GALNTL6: variants seen among roughly 807,000 people sequenced by gnomAD.
GALNTL6 encodes the protein polypeptide N-acetylgalactosaminyltransferase like 6, also known as polypeptide N-acetylgalactosaminyltransferase-like 6.
A neutral mutation model predicts 73.7 loss-of-function variants in GALNTL6; 46 were observed. That is an observed-to-expected ratio of 0.62 (90% CI 0.49 to 0.80). GALNTL6 has a LOEUF of 0.80. Ranked by LOEUF, GALNTL6 falls within the 30% of genes least tolerant of loss-of-function variation. The probability of loss-of-function intolerance (pLI) is 0.00; values close to 1 mark genes in which losing one functional copy is unlikely to be tolerated. For synonymous variants in GALNTL6, 259 were observed against 263.7 expected, an observed-to-expected ratio of 0.98 and a Z score of 0.17; for missense variants, 604 against 755.0, an observed-to-expected ratio of 0.80 and a Z score of 2.34.
chr4:171,855,593 T>A (rs1735666416), intron 2 of GALNTL6, among the ~76,000 whole-genome samples: 1 of 152,224 alleles, frequency 6.6e-6, no homozygotes, highest in South Asian at 2.1e-4. Flanking sequence ...TGCACAGATT[T>A]TTGTATATAT....
At chr4:172,710,576 T>C (rs1312818982) in intron 5 of GALNTL6, among the ~76,000 whole-genome samples, 2 of 150,980 alleles carry the variant, frequency 1.3e-5, no homozygotes, top group Non-Finnish European at 3.0e-5. Context: ...GTTAAAATTA[T>C]CCAACTATGT....
At chr4:172,669,947 T>C (rs1014471554) in intron 5 of GALNTL6, among the ~76,000 whole-genome samples, 6 of 152,180 alleles carry the variant, frequency 3.9e-5, no homozygotes, top group Admixed American at 3.3e-4. Flanking sequence ...GTATTAGTTT[T>C]CTTCTAAGGA....
chr4:172,042,401 G>T (rs1169899769), intron 2 of GALNTL6, among the ~76,000 whole-genome samples: 1 of 151,946 alleles, frequency 6.6e-6, no homozygotes, highest in Non-Finnish European at 1.5e-5. Flanking sequence ...TCCATAACTT[G>T]TATTTCCAGC....
intron 9 of GALNTL6, 122 bp downstream of exon 9, chr4:172,931,390 C>G: frequency 1.5e-6 from 1 of 679,822 alleles, no homozygotes. Context: ...TCCTGTGCTT[C>G]TCAGAGTCTT....
At position 171,869,405 on chromosome 4, in the gene GALNTL6, C is replaced by T. The variant is rs1397501606; in HGVS notation, c.138+54687C>T. Among the ~76,000 whole-genome samples the T allele has an allele frequency of 5.9e-5, 9 of 152,082 alleles. No homozygotes were observed. In the South Asian group the frequency reaches 1.7e-3, roughly 28 times the overall value. ...TCTAAGGTGAATTGGACTTCTTTTG[C>T]AGCTTTTTTGTCTGCCTCTTCCTCT... is the stretch of plus-strand genomic sequence containing the variant. On this transcript the variant is annotated intron_variant, in intron 2 of 12. Transcript: ENST00000506823.
intron 2 of GALNTL6, among the ~76,000 whole-genome samples, chr4:172,078,881 T>C (rs1731792219): frequency 6.6e-6 from 1 of 152,188 alleles, no homozygotes; most frequent in Admixed American, 6.5e-5. Flanking sequence ...ATAAAACAAA[T>C]GAGGTTTTAT....
At chr4:172,272,658 A>G (rs1171267420) in intron 3 of GALNTL6, among the ~76,000 whole-genome samples, 1 of 152,162 alleles carries the variant, frequency 6.6e-6, no homozygotes, top group Non-Finnish European at 1.5e-5. Flanking sequence ...TCCTTTCTTG[A>G]TACTGTCTCA....
chr4:173,003,927 C>G (rs151118526), intron 10 of GALNTL6, among the ~76,000 whole-genome samples: 48 of 152,170 alleles, frequency 3.2e-4, no homozygotes, highest in African/African-American at 1.1e-3. Flanking sequence ...AGTAATGTCT[C>G]CCTGATATAT....
At chr4:172,657,360 C>A (rs1731087388) in intron 5 of GALNTL6, among the ~76,000 whole-genome samples, 1 of 152,042 alleles carries the variant, frequency 6.6e-6, no homozygotes, top group Admixed American at 6.6e-5. Context: ...AGCAGTTACG[C>A]AATACAGAAG....
chr4:172,699,759 A>G (rs1733917094), intron 5 of GALNTL6, among the ~76,000 whole-genome samples: 1 of 152,212 alleles, frequency 6.6e-6, no homozygotes, highest in South Asian at 2.1e-4. Context: ...TTATGTTCCA[A>G]TAAATAAGTT....
chr4:172,539,777 T>C (rs947807624), intron 5 of GALNTL6, among the ~76,000 whole-genome samples: 41 of 151,186 alleles, frequency 2.7e-4, no homozygotes, highest in African/African-American at 9.4e-4. Flanking sequence ...TGCCATAATA[T>C]TGATAATGAA....
Position 172,929,042 on chromosome 4 carries a change from A to G in GALNTL6, c.1042-2119A>G, listed in dbSNP as rs143408917. Among the ~76,000 whole-genome samples, 536 of 152,302 alleles carry G rather than the reference A, an allele frequency of 3.5e-3. 4 individuals are homozygous for G. Among genetic ancestry groups the G allele is most frequent in the African/African-American group, 0.012 (506 of 41,560 alleles). ...GTTGCCTTTTTATGTTCAATGTTAT[A>G]GAGCTCCAGCCTGTGGAGATCTTTC... On this transcript the variant is annotated intron_variant, in intron 8 of 12. Coordinates refer to ENST00000506823, the MANE Select transcript of GALNTL6 (RefSeq NM_001034845.3).
At chr4:172,326,784 A>G (rs1462347747) in intron 4 of GALNTL6, among the ~76,000 whole-genome samples, 1 of 151,746 alleles carries the variant, frequency 6.6e-6, no homozygotes, top group African/African-American at 2.4e-5. Context: ...GATTAATTTT[A>G]TATTTCTAAT....
At chr4:172,199,990 A>G (rs1369164658) in intron 2 of GALNTL6, among the ~76,000 whole-genome samples, 1 of 152,130 alleles carries the variant, frequency 6.6e-6, no homozygotes, top group Non-Finnish European at 1.5e-5. Context: ...AAATTCTTTA[A>G]TTTTAGAAAT....
chr4:172,267,933 T>G (rs1738505830), intron 3 of GALNTL6, among the ~76,000 whole-genome samples: 1 of 152,186 alleles, frequency 6.6e-6, no homozygotes, highest in Non-Finnish European at 1.5e-5. Context: ...AAGATGTTAC[T>G]TTTCTGTTTC....
At chr4:172,253,219 A>T (rs971565402) in intron 3 of GALNTL6, among the ~76,000 whole-genome samples, 3 of 152,004 alleles carry the variant, frequency 2.0e-5, no homozygotes, top group Non-Finnish European at 4.4e-5. Context: ...TATGTCATAG[A>T]ATTTGGAAAA....
chr4:172,602,664 TG>T (rs1738109776), intron 5 of GALNTL6, among the ~76,000 whole-genome samples: 1 of 152,110 alleles, frequency 6.6e-6, no homozygotes, highest in South Asian at 2.1e-4. Context: ...TTCAGCCACT[TG>T]GGGGAAAAGA....
intron 5 of GALNTL6, among the ~76,000 whole-genome samples, chr4:172,565,090 T>G (rs1174578366): frequency 6.6e-6 from 1 of 152,180 alleles, no homozygotes; most frequent in Non-Finnish European, 1.5e-5. Flanking sequence ...TGCTCTCACA[T>G]GGAAGAAGGG....
intron 4 of GALNTL6, among the ~76,000 whole-genome samples, chr4:172,314,137 A>G (rs1052539829): frequency 5.3e-5 from 8 of 152,224 alleles, no homozygotes; most frequent in African/African-American, 1.9e-4. Flanking sequence ...AACTTGTGAC[A>G]TATTTCAGTA....
Sources: gnomAD v4.1 joint callset for allele counts (sites outside exome capture counted in the v4.1 genomes callset) on GRCh38, gnomAD v4.1.1 for gene constraint, MANE v1.5 for transcripts, NCBI Gene and HGNC (gene_info 2026-07-23, HGNC 2026-07-21) for gene names.